The following CAMK1D variants were observed in gnomAD, a reference collection of about 807,000 sequenced individuals.
CAMK1D encodes the protein calcium/calmodulin-dependent protein kinase type 1D.
CAMK1D carries 9 observed loss-of-function variants against 47.7 expected under a neutral mutation model. The observed-to-expected ratio is 0.19, with a 90% CI of 0.11 to 0.33. The LOEUF is 0.33. Among genes scored for constraint, CAMK1D ranks in the 10% least tolerant of loss-of-function variants. The pLI is 1.00. For missense variants in CAMK1D, 291 were observed against 488.7 expected, an observed-to-expected ratio of 0.60 and a Z score of 3.81; for synonymous variants, 184 against 184.9, an observed-to-expected ratio of 0.99 and a Z score of 0.04.
At chr10:12,540,138 C>T (rs1357051498) in intron 1 of CAMK1D, among the ~76,000 whole-genome samples, 1 of 150,630 alleles carries the variant, frequency 6.6e-6, no homozygotes, top group African/African-American at 2.5e-5. Context: ...CTCTGTTATC[C>T]AGGCTGGTCT....
intron 2 of CAMK1D, among the ~76,000 whole-genome samples, chr10:12,601,099 G>A (rs1055449109): frequency 6.6e-6 from 1 of 152,002 alleles, no homozygotes; most frequent in African/African-American, 2.4e-5. Context: ...CATGAGTGCA[G>A]GTATCTTTTT....
chr10:12,656,989 A>G (rs560706456), intron 2 of CAMK1D, among the ~76,000 whole-genome samples: 3 of 152,372 alleles, frequency 2.0e-5, no homozygotes, highest in Admixed American at 2.0e-4. Context: ...AGTTAGATGT[A>G]TCAGAGCTAA....
intron 2 of CAMK1D, among the ~76,000 whole-genome samples, chr10:12,632,841 C>T (rs145674308): frequency 0.14 from 21,346 of 152,158 alleles, 2,043 homozygotes; most frequent in Non-Finnish European, 0.18. Flanking sequence ...ATTACAGGCA[C>T]GCACCACCAC....
intron 1 of CAMK1D, among the ~76,000 whole-genome samples, chr10:12,379,922 A>G (rs1292098449): frequency 1.3e-5 from 2 of 152,068 alleles, no homozygotes; most frequent in African/African-American, 4.8e-5. Context: ...TTTAAAAAAA[A>G]GGGTGTTGTT....
intron 3 of CAMK1D, among the ~76,000 whole-genome samples, chr10:12,678,738 CTT>C (rs1840893529): frequency 6.6e-6 from 1 of 152,078 alleles, no homozygotes; most frequent in South Asian, 2.1e-4. Flanking sequence ...TTCCTTGTCT[CTT>C]ATAACAGTTT....
At chr10:12,822,165 A>T (rs1833037678) in intron 8 of CAMK1D, among the ~76,000 whole-genome samples, 2 of 152,162 alleles carry the variant, frequency 1.3e-5, no homozygotes, top group Admixed American at 1.3e-4. Context: ...AGTTAGTGAC[A>T]CTGAGCATCA....
At chr10:12,685,397 A>G (rs1424485508) in intron 3 of CAMK1D, among the ~76,000 whole-genome samples, 1 of 152,234 alleles carries the variant, frequency 6.6e-6, no homozygotes, top group Non-Finnish European at 1.5e-5. Context: ...ACCATTTGGA[A>G]ACACCAGATA....
chr10:12,398,221 A>T (rs1839033040), intron 1 of CAMK1D, among the ~76,000 whole-genome samples: 1 of 152,040 alleles, frequency 6.6e-6, no homozygotes, highest in Non-Finnish European at 1.5e-5. Flanking sequence ...TTTTCTTTAG[A>T]GTCATATTCT....
At chr10:12,511,729 T>A (rs1447100325) in intron 1 of CAMK1D, among the ~76,000 whole-genome samples, 1 of 152,264 alleles carries the variant, frequency 6.6e-6, no homozygotes, top group Non-Finnish European at 1.5e-5. Context: ...ATCAGTCCCT[T>A]GGGTGATTCA....
intron 5 of CAMK1D, among the ~76,000 whole-genome samples, chr10:12,786,949 C>T (rs1016919557): frequency 1.2e-4 from 18 of 152,094 alleles, no homozygotes; most frequent in African/African-American, 4.1e-4. Context: ...AAGACGAAAC[C>T]CCTTCTCTAC....
chr10:12,393,779 G>A (rs1400059326), intron 1 of CAMK1D, among the ~76,000 whole-genome samples: 3 of 152,218 alleles, frequency 2.0e-5, no homozygotes, highest in South Asian at 2.1e-4. Flanking sequence ...CAGACATGCC[G>A]GCCAGAACAC....
chr10:12,469,463 A>G (rs1401400981), intron 1 of CAMK1D, among the ~76,000 whole-genome samples: 1 of 152,116 alleles, frequency 6.6e-6, no homozygotes, highest in East Asian at 1.9e-4. Flanking sequence ...GGGCATAACC[A>G]AGAAAGGGGA....
chr10:12,429,559 C>T (rs186451111), intron 1 of CAMK1D, among the ~76,000 whole-genome samples: 79 of 152,194 alleles, frequency 5.2e-4, no homozygotes, highest in African/African-American at 1.9e-3. Flanking sequence ...AGGCTGGTCT[C>T]GAACTCCTGA....
At chr10:12,733,509 A>C (rs1404947230) in intron 3 of CAMK1D, among the ~76,000 whole-genome samples, 1 of 152,228 alleles carries the variant, frequency 6.6e-6, no homozygotes, top group African/African-American at 2.4e-5. Flanking sequence ...TTGAATTTCC[A>C]TCAGACTAGG....
chr10:12,612,506 G>T (rs1297337105), intron 2 of CAMK1D, among the ~76,000 whole-genome samples: 1 of 151,982 alleles, frequency 6.6e-6, no homozygotes, highest in Non-Finnish European at 1.5e-5. Context: ...ATGCCTGGTG[G>T]CCTCAGGTTG....
At chr10:12,824,241 C>T (rs1045758768) in intron 8 of CAMK1D, among the ~76,000 whole-genome samples, 6 of 151,646 alleles carry the variant, frequency 4.0e-5, no homozygotes, top group Admixed American at 3.3e-4. Flanking sequence ...GGGGAGGGTG[C>T]GGAGTGTAGA....
At chr10:12,807,355 G>C (rs1838778550) in intron 6 of CAMK1D, among the ~76,000 whole-genome samples, 1 of 152,158 alleles carries the variant, frequency 6.6e-6, no homozygotes, top group Non-Finnish European at 1.5e-5. Flanking sequence ...CACAAGCGTG[G>C]GTTCCTCTCA....
chr10:12,595,438 T>C (rs1483329732), intron 2 of CAMK1D, among the ~76,000 whole-genome samples: 1 of 146,244 alleles, frequency 6.8e-6, no homozygotes, highest in African/African-American at 2.5e-5. Context: ...GGGCAGTCAC[T>C]AAAATGCTGC....
At chr10:12,682,235 CAAAACA>C (rs1832473721) in intron 3 of CAMK1D, among the ~76,000 whole-genome samples, 1 of 151,762 alleles carries the variant, frequency 6.6e-6, no homozygotes, top group Non-Finnish European at 1.5e-5. Context: ...CAAAACAAAA[CAAAACA>C]AAAAAAAGTT....
Sources: gnomAD v4.1 joint callset for allele counts (sites outside exome capture counted in the v4.1 genomes callset) on GRCh38, gnomAD v4.1.1 for gene constraint, MANE v1.5 for transcripts, NCBI Gene and HGNC (gene_info 2026-07-23, HGNC 2026-07-21) for gene names.